The following HNRNPL variants were observed in gnomAD, a reference collection of about 807,000 sequenced individuals.
HNRNPL encodes heterogeneous nuclear ribonucleoprotein L.
HNRNPL carries 12 observed loss-of-function variants against 64.0 expected under a neutral mutation model. The observed-to-expected ratio is 0.19, with a 90% CI of 0.12 to 0.30. The LOEUF (loss-of-function observed/expected upper bound fraction) is 0.30, where lower values mean the gene tolerates loss of function less well. Ranked by LOEUF, HNRNPL falls within the 10% of genes least tolerant of loss-of-function variation. The probability of loss-of-function intolerance (pLI) is 1.00; values close to 1 mark genes in which losing one functional copy is unlikely to be tolerated. For missense variants in HNRNPL, 484 were observed against 797.4 expected, an observed-to-expected ratio of 0.61 and a Z score of 4.73; for synonymous variants, 385 against 313.0, an observed-to-expected ratio of 1.23 and a Z score of -2.43.
chr19:38,836,995 A>ATCT (rs1971950549), intron 12 of HNRNPL: 3 of 549,006 alleles, frequency 5.5e-6, no homozygotes, highest in Non-Finnish European at 9.7e-6. Context: ...TCCCATTCCT[A>ATCT]TCTCCTTCGC....
At chr19:38,840,683 G>A (rs1972087734) in intron 6 of HNRNPL, 124 bp from the exon 7 acceptor site, 1 of 769,474 alleles carries the variant, frequency 1.3e-6, no homozygotes. Context: ...TTCCTCGAGG[G>A]CTGTGGGGCC....
In HNRNPL at chr19:38,844,017, T is replaced by C. The variant is rs765851962; in HGVS notation, c.798A>G (p.Glu266=). ...IYSGCCTLKI[E]YAKPTRLNVF... is the part of the protein sequence containing the mutation. ...CACCTCCCAGATGTACCTTTGCGTA[T>C]TCGATCTTCAGAGTGCAACAGCCAG... Residue 266 remains glutamate (E), a synonymous_variant, in exon 5 of 13, where the codon GAA becomes GAG. Coordinates refer to ENST00000221419, the MANE Select transcript of HNRNPL (RefSeq NM_001533.3). 3 of 1,613,548 alleles carry C rather than the reference T, an allele frequency of 1.9e-6. No individual in the cohort carries two copies. In the South Asian group the frequency reaches 3.3e-5, roughly 18 times the overall value.
At position 38,843,993 on chromosome 19, in the gene HNRNPL, A is replaced by C. The variant is rs199628884; in HGVS notation, c.807+15T>G. The C allele has an allele frequency of 1.6e-3, 2,578 of 1,610,742 alleles. 4 individuals carry two copies. Among genetic ancestry groups the C allele is most frequent in the Non-Finnish European group, 2.0e-3 (2,358 of 1,177,028 alleles). On this transcript the variant is annotated intron_variant, in intron 5 of 12. Transcript: ENST00000221419. ...GGAAGCTGACAAGGGGCAGTCAGTC[A>C]CCTCCCAGATGTACCTTTGCGTATT... is the stretch of plus-strand genomic sequence containing the variant.
At chr19:38,842,479 CTCTT>C (rs765205356) in intron 6 of HNRNPL, among the ~76,000 whole-genome samples, 7 of 151,998 alleles carry the variant, frequency 4.6e-5, no homozygotes, top group Admixed American at 6.6e-5. Flanking sequence ...GTCTCTTTCT[CTCTT>C]TGTCTCTGTA....
intron 6 of HNRNPL, among the ~76,000 whole-genome samples, chr19:38,842,781 A>G (rs1183973700): frequency 6.6e-6 from 1 of 152,022 alleles, no homozygotes; most frequent in African/African-American, 2.4e-5. Context: ...CAAAGCTGAG[A>G]GGCATCAAAA....
At position 38,836,528 on chromosome 19, in the gene HNRNPL, C is replaced by CCCT; in HGVS notation, c.*191_*193dup. 2.3e-6 allele frequency: 1 copy of CCCT among 441,164 alleles called. No individual in the cohort carries two copies. Among genetic ancestry groups the CCCT allele is most frequent in the Non-Finnish European group, 4.0e-6 (1 of 248,570 alleles). The allele number at this position is 441,164 out of a possible 1,614,324, so 27.3% of individuals were successfully genotyped here. A position where few individuals can be genotyped will look rare whatever the true frequency, so the allele number is the denominator to read the frequency against. ...GGTTAATCTTGGGAGATAACAGTTC[C>CCCT]CCTCTCCCTCCCCCTGCAGATTTCC... On this transcript the variant is annotated 3_prime_UTR_variant, in exon 13 of 13. Coordinates refer to ENST00000221419, the MANE Select transcript of HNRNPL (RefSeq NM_001533.3).
chr19:38,846,204 C>G lies in HNRNPL; in HGVS notation c.387-114G>C. The stretch of plus-strand genomic sequence containing the variant: ...ATGGCCTCTGAACTCCTCTGCAACC[C>G]TATCATGGTTCCCCGACCTGAACAC... On this transcript the variant is annotated intron_variant, in intron 2 of 12. Transcript: ENST00000221419. 7 of 810,844 alleles carry G rather than the reference C, an allele frequency of 8.6e-6. No individual in the cohort carries two copies. In the South Asian group the frequency reaches 1.0e-4, roughly 12 times the overall value. 50.2% of individuals were successfully genotyped at this position (810,844 alleles called of 1,614,324 possible).
intron 1 of HNRNPL, chr19:38,849,376 A>C (rs1394908635): frequency 3.6e-6 from 1 of 279,270 alleles, no homozygotes; most frequent in Admixed American, 5.3e-5. Flanking sequence ...CCAGCGAAGA[A>C]AATGATAAAG....
In HNRNPL at chr19:38,836,641, T is replaced by C. The variant is rs1388459306; in HGVS notation, c.*81A>G. ...AAAAAAAAAGGAATACAAGATCTTT[T>C]GCAAATAACAAAAACAAAAAATGGC... On this transcript the variant is annotated 3_prime_UTR_variant, in exon 13 of 13. Coordinates refer to ENST00000221419, the MANE Select transcript of HNRNPL (RefSeq NM_001533.3). The C allele has an allele frequency of 2.8e-6, 2 of 711,362 alleles. No homozygotes were observed. Among genetic ancestry groups the C allele is most frequent in the Admixed American group, 2.7e-5 (1 of 37,334 alleles). The allele number at this position is 711,362 out of a possible 1,614,324, so 44.1% of individuals were successfully genotyped here.
chr19:38,843,189 G>A (rs1242802866), intron 6 of HNRNPL, among the ~76,000 whole-genome samples: 2 of 152,100 alleles, frequency 1.3e-5, no homozygotes, highest in African/African-American at 2.4e-5. Flanking sequence ...GTCTTGTTGG[G>A]GGGCTGCCGC....
intron 6 of HNRNPL, chr19:38,841,473 G>T: frequency 2.4e-6 from 1 of 423,064 alleles, no homozygotes; most frequent in South Asian, 1.7e-5. Context: ...AAAACCCAGG[G>T]CTCGAAACCA....
chr19:38,841,556 G>C, intron 6 of HNRNPL: 1 of 729,934 alleles, frequency 1.4e-6, no homozygotes, highest in South Asian at 1.4e-5. Flanking sequence ...ACTTACAGCA[G>C]AAGTACAGAG....
Position 38,836,709 on chromosome 19 carries a change from C to T in HNRNPL, c.*13G>A, listed in dbSNP as rs778217185. The T allele has an allele frequency of 6.3e-7, 1 of 1,595,262 alleles. No homozygotes were observed. The highest frequency in any genetic ancestry group is 2.2e-5 in the East Asian group (1 of 44,594). On this transcript the variant is annotated 3_prime_UTR_variant, in exon 13 of 13. Coordinates refer to ENST00000221419, the MANE Select transcript of HNRNPL (RefSeq NM_001533.3). ...GTCTTCCTGCTCAGATGGGACTCTT[C>T]CTAGGCACCTAATTAGGAGGCGTGC...
intron 1 of HNRNPL, chr19:38,847,689 G>C (rs1037331373): frequency 3.7e-6 from 1 of 267,354 alleles, no homozygotes; most frequent in Admixed American, 5.4e-5. Context: ...ATAACGGAGG[G>C]AGGGCCACAC....
Position 38,836,598 on chromosome 19 carries a change from TA to T in HNRNPL, c.*123del, listed in dbSNP as rs35433653. ...AGTAAGCCTCTACAAACCTAGCATT[TA>T]AAAAAAAAAAAAAAAAAAAAAAAAA... On this transcript the variant is annotated 3_prime_UTR_variant, in exon 13 of 13. Transcript: ENST00000221419. 26,766 of 135,230 alleles carry T rather than the reference TA, an allele frequency of 0.2. 3,232 individuals are homozygous for T. The highest frequency in any genetic ancestry group is 0.24 in the Non-Finnish European group (18,392 of 75,750). 8.4% of individuals were successfully genotyped at this position (135,230 alleles called of 1,614,324 possible).
At chr19:38,848,093 C>A (rs1036822554) in intron 1 of HNRNPL, among the ~76,000 whole-genome samples, 1 of 150,240 alleles carries the variant, frequency 6.7e-6, no homozygotes, top group Non-Finnish European at 1.5e-5. Context: ...CAAGAAAAGT[C>A]TTTTATTTAT....
chr19:38,841,776 T>C (rs1395256663), intron 6 of HNRNPL: 1 of 524,538 alleles, frequency 1.9e-6, no homozygotes, highest in African/African-American at 2.0e-5. Flanking sequence ...AATATTTTGA[T>C]TAAATCAAAA....
intron 1 of HNRNPL, among the ~76,000 whole-genome samples, chr19:38,848,348 C>T (rs1219348241): frequency 6.6e-6 from 1 of 152,194 alleles, no homozygotes; most frequent in Non-Finnish European, 1.5e-5. Context: ...CTGCCTCAGC[C>T]TCCCAAAGTG....
At chr19:38,840,418 T>C (rs1345474096) in intron 7 of HNRNPL, 42 bp from the exon 8 acceptor site, 10 of 1,565,612 alleles carry the variant, frequency 6.4e-6, no homozygotes, top group East Asian at 2.3e-5. Flanking sequence ...GGGTGAGAAT[T>C]TGCACGGCGG....
Sources: gnomAD v4.1 joint callset for allele counts (sites outside exome capture counted in the v4.1 genomes callset) on GRCh38, gnomAD v4.1.1 for gene constraint, MANE v1.5 for transcripts, NCBI Gene and HGNC (gene_info 2026-07-23, HGNC 2026-07-21) for gene names.